Variants in FAM135B observed in about 807,000 individuals in gnomAD.
FAM135B encodes protein FAM135B.
Under a neutral mutation model 127.7 loss-of-function variants are expected in FAM135B, and 43 were observed. The observed-to-expected ratio is 0.34, with a 90% CI of 0.26 to 0.43. The LOEUF (loss-of-function observed/expected upper bound fraction) is 0.43. Among genes scored for constraint, FAM135B ranks in the 20% least tolerant of loss-of-function variants. The probability of loss-of-function intolerance (pLI) is 1.00; values close to 1 mark genes in which losing one functional copy is unlikely to be tolerated. For missense variants in FAM135B, 1,558 were observed against 1,725.6 expected (o/e 0.90, Z 1.72); for synonymous variants, 670 against 665.1 (o/e 1.01, Z -0.11).
intron 1 of FAM135B, among the ~76,000 whole-genome samples, chr8:138,473,496 G>A (rs1259198159): frequency 6.6e-6 from 1 of 152,006 alleles, no homozygotes; most frequent in East Asian, 1.9e-4. Flanking sequence ...ATATACCTCA[G>A]AGAATTCTAA....
In FAM135B at chr8:138,240,037, T is replaced by C. The variant is rs1039262830; in HGVS notation, c.669+2905A>G. Among the ~76,000 whole-genome samples the C allele has an allele frequency of 2.6e-5, 4 of 151,348 alleles. No homozygotes were observed. The East Asian group carries it at 5.9e-4, about 22-fold the overall frequency. ...GGGGGAGGGATAGCATTAGGAGATATACCTAGTGTAAATGACGAATTAATG... is the reference window on the plus strand; with the variant it reads ...GGGGGAGGGATAGCATTAGGAGATACACCTAGTGTAAATGACGAATTAATG... On this transcript the variant is annotated intron_variant, in intron 7 of 19. Coordinates refer to ENST00000395297, the MANE Select transcript of FAM135B (RefSeq NM_015912.4).
intron 12 of FAM135B, among the ~76,000 whole-genome samples, chr8:138,156,093 T>G (rs766498257): frequency 9.2e-5 from 14 of 152,168 alleles, no homozygotes; most frequent in Non-Finnish European, 1.3e-4. Flanking sequence ...TATAACAAAC[T>G]GTCTCTCAGA....
intron 2 of FAM135B, among the ~76,000 whole-genome samples, chr8:138,335,700 G>A (rs1828526511): frequency 6.6e-6 from 1 of 152,132 alleles, no homozygotes; most frequent in Admixed American, 6.6e-5. Flanking sequence ...AGTTCAACGA[G>A]ACAGAAAGTT....
chr8:138,226,185 G>A (rs969427658), intron 7 of FAM135B, among the ~76,000 whole-genome samples: 1 of 96,762 alleles, frequency 1.0e-5, no homozygotes, highest in African/African-American at 4.4e-5. Flanking sequence ...GTGTGTGTGT[G>A]CGCGCATGTC....
At chr8:138,314,879 C>CAA (rs35189245) in intron 2 of FAM135B, among the ~76,000 whole-genome samples, 30 of 85,364 alleles carry the variant, frequency 3.5e-4, no homozygotes, top group South Asian at 4.1e-4. Context: ...GACCTTACCT[C>CAA]AAAAAAAAAA....
At chr8:138,378,513 G>A (rs1033601427) in intron 1 of FAM135B, among the ~76,000 whole-genome samples, 5 of 152,184 alleles carry the variant, frequency 3.3e-5, no homozygotes, top group African/African-American at 9.7e-5. Context: ...AATGGCAGGA[G>A]AGGAATGATA....
chr8:138,240,997 G>A (rs1820720682), intron 7 of FAM135B, among the ~76,000 whole-genome samples: 1 of 152,154 alleles, frequency 6.6e-6, no homozygotes, highest in African/African-American at 2.4e-5. Flanking sequence ...GGCCAGCACT[G>A]GCTCTGAGAC....
At chr8:138,135,084 G>A (rs777831298) in intron 19 of FAM135B, among the ~76,000 whole-genome samples, 16 of 152,146 alleles carry the variant, frequency 1.1e-4, no homozygotes, top group East Asian at 1.9e-4. Flanking sequence ...GAATTCTAGC[G>A]TGAAAGCAGC....
At chr8:138,394,656 GTC>G (rs998533573) in intron 1 of FAM135B, among the ~76,000 whole-genome samples, 3 of 152,116 alleles carry the variant, frequency 2.0e-5, no homozygotes, top group African/African-American at 7.2e-5. Context: ...TATGTGTGGA[GTC>G]TCTCCCATGT....
At chr8:138,186,052 G>T (rs1444842327) in intron 9 of FAM135B, among the ~76,000 whole-genome samples, 2 of 152,086 alleles carry the variant, frequency 1.3e-5, no homozygotes, top group Non-Finnish European at 2.9e-5. Flanking sequence ...CTGCCCTGAG[G>T]GTCCTTCCCT....
intron 7 of FAM135B, among the ~76,000 whole-genome samples, chr8:138,220,464 T>C (rs1406216273): frequency 1.3e-5 from 2 of 152,222 alleles, no homozygotes; most frequent in Non-Finnish European, 2.9e-5. Context: ...CCTGCACGAC[T>C]GCTTACCAGC....
chr8:138,395,331 A>G (rs1028635220), intron 1 of FAM135B, among the ~76,000 whole-genome samples: 1 of 152,038 alleles, frequency 6.6e-6, no homozygotes, highest in Non-Finnish European at 1.5e-5. Flanking sequence ...TGGCTGGGAG[A>G]CGCCGCACCT....
intron 1 of FAM135B, among the ~76,000 whole-genome samples, chr8:138,386,937 T>C (rs1484398708): frequency 6.6e-6 from 1 of 152,008 alleles, no homozygotes; most frequent in African/African-American, 2.4e-5. Context: ...TGCTATATGG[T>C]GCCTATACAG....
intron 1 of FAM135B, among the ~76,000 whole-genome samples, chr8:138,470,502 A>G (rs1397936353): frequency 6.6e-6 from 1 of 152,124 alleles, no homozygotes; most frequent in Non-Finnish European, 1.5e-5. Context: ...AATTAGATTG[A>G]ATTTGTTTTT....
At chr8:138,431,544 G>T in intron 1 of FAM135B, among the ~76,000 whole-genome samples, 1 of 152,292 alleles carries the variant, frequency 6.6e-6, no homozygotes, top group Non-Finnish European at 1.5e-5. Context: ...CTTTATGGCT[G>T]CTTTCATGTG....
At chr8:138,397,102 G>T (rs1205164223) in intron 1 of FAM135B, among the ~76,000 whole-genome samples, 1 of 152,182 alleles carries the variant, frequency 6.6e-6, no homozygotes, top group Non-Finnish European at 1.5e-5. Context: ...GTCCTGAGCT[G>T]CCCAAGAACC....
intron 1 of FAM135B, among the ~76,000 whole-genome samples, chr8:138,403,400 G>A (rs1268285319): frequency 6.6e-6 from 1 of 152,066 alleles, no homozygotes; most frequent in Non-Finnish European, 1.5e-5. Flanking sequence ...TCCAAGTCAA[G>A]TCTATTGGGA....
intron 7 of FAM135B, among the ~76,000 whole-genome samples, chr8:138,232,228 C>G (rs555861306): frequency 6.7e-6 from 1 of 149,534 alleles, no homozygotes; most frequent in South Asian, 2.1e-4. Flanking sequence ...ATGAGCCATG[C>G]TGGGCACCAA....
chr8:138,409,248 C>A (rs977973377), intron 1 of FAM135B, among the ~76,000 whole-genome samples: 1 of 151,954 alleles, frequency 6.6e-6, no homozygotes, highest in Non-Finnish European at 1.5e-5. Context: ...GGAGGGCCAA[C>A]GAGAGGAGAA....
Sources: gnomAD v4.1 joint callset for allele counts (sites outside exome capture counted in the v4.1 genomes callset) on GRCh38, gnomAD v4.1.1 for gene constraint, MANE v1.5 for transcripts, NCBI Gene and HGNC (gene_info 2026-07-23, HGNC 2026-07-21) for gene names.